TANC2: variants seen among roughly 807,000 people sequenced by gnomAD.
The protein encoded by TANC2 is protein TANC2.
A neutral mutation model predicts 210.5 loss-of-function variants in TANC2; 26 were observed. That is an observed-to-expected ratio of 0.12 (90% CI 0.09 to 0.17). The LOEUF (loss-of-function observed/expected upper bound fraction) is 0.17, where lower values mean the gene tolerates loss of function less well. TANC2 is among the 10% of genes least tolerant of loss of function. TANC2 has a pLI of 1.00. For missense variants in TANC2, 2,129 were observed against 2,608.9 expected (o/e 0.82, Z 4.01); for synonymous variants, 931 against 967.1 (o/e 0.96, Z 0.69).
intron 14 of TANC2, among the ~76,000 whole-genome samples, chr17:63,374,637 C>G (rs1296701352): frequency 6.6e-6 from 1 of 152,064 alleles, no homozygotes; most frequent in Non-Finnish European, 1.5e-5. Context: ...TTCTGATGAA[C>G]TAAACAGGAA....
At chr17:62,999,321 C>T (rs990875210) in intron 1 of TANC2, among the ~76,000 whole-genome samples, 1 of 152,182 alleles carries the variant, frequency 6.6e-6, no homozygotes, top group Non-Finnish European at 1.5e-5. Context: ...AGCTGTGCTT[C>T]CTGTACAGCC....
intron 4 of TANC2, among the ~76,000 whole-genome samples, chr17:63,115,844 G>A (rs1191525278): frequency 6.6e-6 from 1 of 152,128 alleles, no homozygotes; most frequent in Non-Finnish European, 1.5e-5. Flanking sequence ...AGAGTAGTTA[G>A]GTGCCTTACT....
Position 63,263,854 on chromosome 17 carries a change from T to C in TANC2, c.1034-3894T>C, listed in dbSNP as rs79732595. ...GACATAGTCCCTGCTCGTGTAGAGC[T>C]ATTAGAATTCTACAGCCTAAGCCAT... On this transcript the variant is annotated intron_variant, in intron 8 of 27. Coordinates refer to ENST00000689528, the Ensembl canonical transcript of TANC2. 2.0e-3 allele frequency among the ~76,000 whole-genome samples: 307 copies of C among 152,308 alleles called. 1 individual carries two copies. Among genetic ancestry groups the C allele is most frequent in the African/African-American group, 6.6e-3 (276 of 41,566 alleles).
intron 15 of TANC2, among the ~76,000 whole-genome samples, chr17:63,385,189 T>C (rs1806878657): frequency 6.6e-6 from 1 of 152,218 alleles, no homozygotes; most frequent in Admixed American, 6.5e-5. Context: ...CTGCCTTTTT[T>C]TCCTTCAACC....
At chr17:63,241,965 C>T (rs1303686970) in intron 8 of TANC2, among the ~76,000 whole-genome samples, 1 of 152,162 alleles carries the variant, frequency 6.6e-6, no homozygotes, top group Non-Finnish European at 1.5e-5. Context: ...TAGCTAGACT[C>T]ATCATCAGTG....
chr17:63,234,423 T>A (rs991041), intron 7 of TANC2, among the ~76,000 whole-genome samples: 90,941 of 151,998 alleles, frequency 0.6, 29,733 homozygotes, highest in African/African-American at 0.86. Flanking sequence ...TAAGTAGTAG[T>A]AAAAAATGCC....
In TANC2 at chr17:63,319,728, TC is replaced by T. The variant is rs1323371983; in HGVS notation, c.1575+639del. Among the ~76,000 whole-genome samples, 12 of 152,354 alleles carry T rather than the reference TC, an allele frequency of 7.9e-5. No homozygotes were observed. In the East Asian group the frequency reaches 2.3e-3, roughly 29 times the overall value. On this transcript the variant is annotated intron_variant, in intron 11 of 27. Transcript: ENST00000689528. ...ATTTTCATTCCTAGCTTAAAACTCT[TC>T]GTGCTATACTACCCTGTCCATAATA...
At position 63,419,926 on chromosome 17, in the gene TANC2, A is replaced by G; in HGVS notation, c.4269-73A>G. 4 of 1,455,610 alleles carry G rather than the reference A, an allele frequency of 2.7e-6. No homozygotes were observed. In the Admixed American group the frequency reaches 7.5e-5, roughly 27 times the overall value. 90.2% of individuals were successfully genotyped at this position (1,455,610 alleles called of 1,614,324 possible). ...ACCACAGCTCTCTGAGATAGTGACC[A>G]TGTTCTCAGCTCTTGGTGATTTCTC... On this transcript the variant is annotated intron_variant, in intron 27 of 27. Transcript: ENST00000689528.
chr17:63,389,964 G>A (rs2047912880), intron 17 of TANC2: 2 of 239,418 alleles, frequency 8.4e-6, no homozygotes, highest in Non-Finnish European at 1.7e-5. Flanking sequence ...CCATGGAGAT[G>A]AGAACAGGAC....
At chr17:63,011,793 C>A (rs1048296649) in intron 2 of TANC2, among the ~76,000 whole-genome samples, 1 of 151,738 alleles carries the variant, frequency 6.6e-6, no homozygotes, top group African/African-American at 2.4e-5. Flanking sequence ...CATACTTTTG[C>A]TTTCAACATT....
intron 9 of TANC2, among the ~76,000 whole-genome samples, chr17:63,273,939 G>A (rs888773246): frequency 1.3e-5 from 2 of 152,184 alleles, no homozygotes; most frequent in African/African-American, 4.8e-5. Context: ...AAAACCACTA[G>A]TTTAGAGGAT....
intron 2 of TANC2, among the ~76,000 whole-genome samples, chr17:63,058,038 A>G (rs2035866220): frequency 6.6e-6 from 1 of 152,208 alleles, no homozygotes; most frequent in South Asian, 2.1e-4. Flanking sequence ...TGAACTGAAT[A>G]CACTCCCACC....
intron 7 of TANC2, among the ~76,000 whole-genome samples, chr17:63,216,679 G>A (rs1203987506): frequency 6.6e-6 from 1 of 152,168 alleles, no homozygotes. Context: ...TTGGTGTCCA[G>A]ATAATTGGCA....
intron 13 of TANC2, among the ~76,000 whole-genome samples, chr17:63,353,984 T>C (rs1197134052): frequency 6.6e-6 from 1 of 151,984 alleles, no homozygotes; most frequent in African/African-American, 2.4e-5. Flanking sequence ...AGATAGCGAA[T>C]ACAGAAAACT....
At chr17:63,039,987 A>T in intron 2 of TANC2, among the ~76,000 whole-genome samples, 1 of 152,102 alleles carries the variant, frequency 6.6e-6, no homozygotes, top group Non-Finnish European at 1.5e-5. Flanking sequence ...TTTAGTTTTT[A>T]TATTTTCTCT....
intron 1 of TANC2, among the ~76,000 whole-genome samples, chr17:63,001,626 C>T (rs2033390665): frequency 6.6e-6 from 1 of 151,198 alleles, no homozygotes; most frequent in Admixed American, 6.6e-5. Context: ...CTCGCTGCAC[C>T]CTTTGCCATC....
chr17:63,250,741 A>T (rs774917970), intron 8 of TANC2, among the ~76,000 whole-genome samples: 10 of 152,192 alleles, frequency 6.6e-5, no homozygotes, highest in Non-Finnish European at 1.0e-4. Flanking sequence ...TAATAAACAA[A>T]ACAAAGATTC....
intron 14 of TANC2, among the ~76,000 whole-genome samples, chr17:63,372,075 C>T (rs1354977719): frequency 6.6e-6 from 1 of 152,222 alleles, no homozygotes; most frequent in Non-Finnish European, 1.5e-5. Flanking sequence ...GAAGGATCCT[C>T]AACTGTGACC....
chr17:63,127,283 G>A (rs1230873783), intron 4 of TANC2, among the ~76,000 whole-genome samples: 2 of 152,038 alleles, frequency 1.3e-5, no homozygotes, highest in African/African-American at 4.8e-5. Context: ...TATTTTAAAT[G>A]ATATTTCATT....
Sources: gnomAD v4.1 joint callset for allele counts (sites outside exome capture counted in the v4.1 genomes callset) on GRCh38, gnomAD v4.1.1 for gene constraint, MANE v1.5 for transcripts, NCBI Gene and HGNC (gene_info 2026-07-23, HGNC 2026-07-21) for gene names.